Variants in MKLN1 observed in about 807,000 individuals in gnomAD.
MKLN1 encodes the protein muskelin.
MKLN1 carries 18 observed loss-of-function variants against 99.0 expected under a neutral mutation model. The ratio of observed to expected loss-of-function variants is 0.18; its 90% confidence interval spans 0.13 to 0.27. The LOEUF is 0.27. Among genes scored for constraint, MKLN1 ranks in the 10% least tolerant of loss-of-function variants. The pLI is 1.00. For missense variants in MKLN1, 621 were observed against 875.9 expected (o/e 0.71, Z 3.67); for synonymous variants, 288 against 293.2 (o/e 0.98, Z 0.18).
intron 11 of MKLN1, among the ~76,000 whole-genome samples, chr7:131,444,063 G>T (rs1233690399): frequency 1.3e-5 from 2 of 152,010 alleles, no homozygotes; most frequent in East Asian, 3.9e-4. Context: ...TAAGTACAAA[G>T]AATTTAAGAT....
intron 2 of MKLN1, among the ~76,000 whole-genome samples, chr7:131,201,346 C>A (rs1203304464): frequency 6.6e-6 from 1 of 152,154 alleles, no homozygotes; most frequent in Non-Finnish European, 1.5e-5. Context: ...ATGTTTGAAA[C>A]TTCACACTTC....
rs556857926 is a variant in MKLN1 at position 131,461,214 on chromosome 7, A to C, written c.1526-2003A>C. 4.6e-5 allele frequency among the ~76,000 whole-genome samples: 7 copies of C among 152,062 alleles called. No homozygotes were observed. The South Asian group carries it at 1.5e-3, about 32-fold the overall frequency. On this transcript the variant is annotated intron_variant, in intron 12 of 17. Coordinates refer to ENST00000352689, the MANE Select transcript of MKLN1 (RefSeq NM_013255.5). ...CAAGAAAAAAAGTCTGTATGTCTTCAATACAGATGCAACCATTTATGGGTT... is the reference window on the plus strand; with the variant it reads ...CAAGAAAAAAAGTCTGTATGTCTTCCATACAGATGCAACCATTTATGGGTT...
intron 3 of MKLN1, among the ~76,000 whole-genome samples, chr7:131,296,755 G>T (rs1412960152): frequency 2.0e-5 from 3 of 152,038 alleles, no homozygotes; most frequent in Non-Finnish European, 2.9e-5. Context: ...TATTTATTTT[G>T]AGATGAAGTC....
intron 1 of MKLN1, among the ~76,000 whole-genome samples, chr7:131,356,486 G>A (rs140525912): frequency 9.8e-4 from 149 of 152,238 alleles, no homozygotes; most frequent in African/African-American, 3.5e-3. Flanking sequence ...TTAAATGGAC[G>A]AAGGTCAGTC....
intron 17 of MKLN1, among the ~76,000 whole-genome samples, chr7:131,481,273 C>G (rs1434305261): frequency 1.4e-4 from 21 of 152,112 alleles, no homozygotes; most frequent in Non-Finnish European, 2.9e-5. Flanking sequence ...GTTTCTTTAT[C>G]TGTAAAATGG....
At chr7:131,398,326 G>A (rs1794421906) in intron 5 of MKLN1, among the ~76,000 whole-genome samples, 1 of 152,174 alleles carries the variant, frequency 6.6e-6, no homozygotes, top group African/African-American at 2.4e-5. Flanking sequence ...TTAAGTGCCT[G>A]CTTTTTGGAT....
intron 1 of MKLN1, among the ~76,000 whole-genome samples, chr7:131,132,154 G>A (rs540994475): frequency 5.8e-4 from 89 of 152,318 alleles, no homozygotes; most frequent in African/African-American, 2.0e-3. Context: ...GGAAGACATA[G>A]TATATCAACA....
chr7:131,311,074 G>A (rs1220944553), intron 3 of MKLN1: 2 of 151,564 alleles, frequency 1.3e-5, no homozygotes, highest in East Asian at 1.9e-4. Flanking sequence ...TAATTAATTC[G>A]TGTTCTGCTT....
rs1248931387 is a variant in MKLN1 at position 131,490,172 on chromosome 7, T to G, written c.*2444T>G. ...TAATTTAAATAATCGAATTTGGTAT[T>G]TAGGTACATTGTTTATATAGCCAAG... On this transcript the variant is annotated 3_prime_UTR_variant, in exon 18 of 18. Transcript: ENST00000352689. The G allele has an allele frequency of 6.6e-6, 1 of 152,580 alleles. No homozygotes were observed. The highest frequency in any genetic ancestry group is 2.4e-5 in the African/African-American group (1 of 41,428). 9.5% of individuals were successfully genotyped at this position (152,580 alleles called of 1,614,324 possible). A position where few individuals can be genotyped will look rare whatever the true frequency, so the allele number is the denominator to read the frequency against.
At chr7:131,116,585 T>C (rs1386768102) in intron 1 of MKLN1, among the ~76,000 whole-genome samples, 3 of 152,050 alleles carry the variant, frequency 2.0e-5, no homozygotes, top group East Asian at 1.9e-4. Context: ...AATAAAAAAA[T>C]TGACTAAATC....
At chr7:131,198,431 A>G (rs1359962608) in intron 2 of MKLN1, among the ~76,000 whole-genome samples, 1 of 152,236 alleles carries the variant, frequency 6.6e-6, no homozygotes, top group East Asian at 1.9e-4. Flanking sequence ...TAAATTTTGC[A>G]TATGATGGTA....
intron 2 of MKLN1, among the ~76,000 whole-genome samples, chr7:131,382,916 G>A (rs151045995): frequency 1.1e-4 from 16 of 152,016 alleles, no homozygotes; most frequent in Middle Eastern, 3.4e-3. Context: ...GTAGAGACAG[G>A]GTTTCACCGT....
rs994932858 is a variant in MKLN1 at position 131,489,143 on chromosome 7, G to A, written c.*1415G>A. On this transcript the variant is annotated 3_prime_UTR_variant, in exon 18 of 18. Coordinates refer to ENST00000352689, the MANE Select transcript of MKLN1 (RefSeq NM_013255.5). ...AGCAAGATTAGGCCTCACCAAAGAA[G>A]AAATTAACCTGCACTTTCAAAAAGT... 3.9e-5 allele frequency: 6 copies of A among 152,214 alleles called. No individual in the cohort carries two copies. The highest frequency in any genetic ancestry group is 1.4e-4 in the African/African-American group (6 of 41,570). 9.4% of individuals were successfully genotyped at this position (152,214 alleles called of 1,614,324 possible).
chr7:131,348,114 C>T (rs192764272), intron 1 of MKLN1, among the ~76,000 whole-genome samples: 118 of 152,224 alleles, frequency 7.8e-4, no homozygotes, highest in Non-Finnish European at 1.4e-3. Context: ...TGCTCATGTT[C>T]CATATATTAT....
chr7:131,331,147 T>C (rs1012749202), intron 1 of MKLN1, among the ~76,000 whole-genome samples: 1 of 152,236 alleles, frequency 6.6e-6, no homozygotes, highest in Non-Finnish European at 1.5e-5. Flanking sequence ...TATACAGTTT[T>C]GTTTAATTCT....
intron 2 of MKLN1, among the ~76,000 whole-genome samples, chr7:131,193,998 G>GTT (rs1204947845): frequency 3.8e-5 from 4 of 104,112 alleles, no homozygotes; most frequent in Non-Finnish European, 5.8e-5. Context: ...TTCTTGCTTT[G>GTT]TTTTGTTTTT....
intron 8 of MKLN1, among the ~76,000 whole-genome samples, chr7:131,415,845 T>C (rs1438236852): frequency 1.3e-5 from 2 of 152,242 alleles, no homozygotes; most frequent in East Asian, 3.8e-4. Flanking sequence ...AATTTGTTTT[T>C]AGATTGTCTA....
At chr7:131,403,042 C>G (rs750724723) in intron 6 of MKLN1, among the ~76,000 whole-genome samples, 8 of 152,172 alleles carry the variant, frequency 5.3e-5, no homozygotes, top group Non-Finnish European at 1.0e-4. Context: ...TGACTTCACT[C>G]TAGCTATGAA....
chr7:131,221,872 C>T (rs1797065717), intron 3 of MKLN1, among the ~76,000 whole-genome samples: 1 of 151,562 alleles, frequency 6.6e-6, no homozygotes, highest in Admixed American at 6.6e-5. Context: ...GTGTGACAGA[C>T]ACTGTTCAGA....
Sources: allele counts gnomAD v4.1 joint callset (sites outside exome capture counted in the v4.1 genomes callset), GRCh38; gene constraint gnomAD v4.1.1; transcripts MANE v1.5; gene names NCBI Gene and HGNC (gene_info 2026-07-23, HGNC 2026-07-21).